Variants in SEMA4D observed in about 807,000 individuals in gnomAD.
The protein encoded by SEMA4D is semaphorin-4D.
Under a neutral mutation model 74.8 loss-of-function variants are expected in SEMA4D, and 22 were observed. That is an observed-to-expected ratio of 0.29 (90% confidence interval 0.21 to 0.42). The LOEUF is 0.42. SEMA4D is among the 10% of genes least tolerant of loss of function. The pLI is 1.00. For missense variants in SEMA4D, 937 were observed against 1,118.4 expected (o/e 0.84, Z 2.31); for synonymous variants, 445 against 463.7 (o/e 0.96, Z 0.52).
chr9:89,443,227 A>G (rs4317671), intron 2 of SEMA4D, among the ~76,000 whole-genome samples: 146,497 of 152,310 alleles, frequency 0.96, 70,669 homozygotes, highest in Non-Finnish European at 1. Context: ...CCCCCTGGAC[A>G]GAGGCCGGGT....
intron 2 of SEMA4D, among the ~76,000 whole-genome samples, chr9:89,426,584 G>A (rs1009186481): frequency 2.0e-5 from 3 of 152,232 alleles, no homozygotes; most frequent in East Asian, 1.9e-4. Context: ...AAGGATGTTC[G>A]CCATTTCATC....
At chr9:89,419,506 G>A (rs1443300991) in intron 2 of SEMA4D, among the ~76,000 whole-genome samples, 1 of 152,172 alleles carries the variant, frequency 6.6e-6, no homozygotes, top group Non-Finnish European at 1.5e-5. Context: ...GGGAGGGAGA[G>A]GGGACAGTGG....
intron 2 of SEMA4D, among the ~76,000 whole-genome samples, chr9:89,406,212 TACAC>T (rs1266662002): frequency 6.6e-6 from 1 of 152,020 alleles, no homozygotes; most frequent in Non-Finnish European, 1.5e-5. Flanking sequence ...CACACATATG[TACAC>T]ACACACATGC....
chr9:89,463,658 G>A (rs1462628368), intron 1 of SEMA4D, among the ~76,000 whole-genome samples: 3 of 152,318 alleles, frequency 2.0e-5, no homozygotes, highest in East Asian at 1.9e-4. Flanking sequence ...ATGGTGGGCC[G>A]GGCATGGTGG....
chr9:89,476,958 A>G (rs1437129370), intron 1 of SEMA4D, among the ~76,000 whole-genome samples: 1 of 152,182 alleles, frequency 6.6e-6, no homozygotes, highest in Non-Finnish European at 1.5e-5. Context: ...GACCCCAGAG[A>G]AACACACCAC....
At position 89,364,602 on chromosome 9, in the gene SEMA4D, C is replaced by A. The variant is rs181770247; in HGVS notation, c.1883-652G>T. On this transcript the variant is annotated intron_variant, in intron 16 of 18. Transcript: ENST00000339861. ...TCCAGCCTTGAGCATGGACTCTGGG[C>A]CCGACATTGGCCACTTCTGCCGCAA... 258 of 157,532 alleles carry A rather than the reference C, an allele frequency of 1.6e-3. 1 individual carries two copies. Among genetic ancestry groups the A allele is most frequent in the Non-Finnish European group, 3.0e-3 (213 of 70,728 alleles). The allele number at this position is 157,532 out of a possible 1,614,324, so 9.8% of individuals were successfully genotyped here.
At chr9:89,402,413 C>T (rs772750390) in intron 4 of SEMA4D, among the ~76,000 whole-genome samples, 5 of 152,218 alleles carry the variant, frequency 3.3e-5, no homozygotes, top group East Asian at 3.9e-4. Flanking sequence ...CCACAAGAGT[C>T]GGTGAAATAT....
At chr9:89,392,602 GACAA>G (rs1840099998) in intron 7 of SEMA4D, 66 bp from the exon 8 acceptor site, 2 of 966,818 alleles carry the variant, frequency 2.1e-6, no homozygotes. Flanking sequence ...CCAACACTGG[GACAA>G]ACATTCAACA....
intron 4 of SEMA4D, among the ~76,000 whole-genome samples, chr9:89,400,624 A>T (rs944756047): frequency 6.6e-6 from 1 of 152,236 alleles, no homozygotes; most frequent in Non-Finnish European, 1.5e-5. Context: ...CAAAAGCGGA[A>T]CAGAGTCTCA....
intron 1 of SEMA4D, among the ~76,000 whole-genome samples, chr9:89,480,780 T>A (rs892746173): frequency 4.9e-4 from 74 of 152,316 alleles, no homozygotes; most frequent in East Asian, 7.7e-4. Context: ...ACACAGCCCC[T>A]GTTCCCGCTC....
At chr9:89,379,712 C>T (rs528937379) in intron 15 of SEMA4D, 83 bp from the exon 16 acceptor site, 48 of 1,453,176 alleles carry the variant, frequency 3.3e-5, no homozygotes, top group East Asian at 9.1e-5. Context: ...CACAAGATGA[C>T]GCAAGAGTTT....
intron 3 of SEMA4D, among the ~76,000 whole-genome samples, chr9:89,404,171 A>AT (rs202042671): frequency 2.0e-5 from 3 of 152,110 alleles, no homozygotes; most frequent in Admixed American, 2.0e-4. Context: ...CTAAAAAAAA[A>AT]CTAAACAGCA....
intron 2 of SEMA4D, among the ~76,000 whole-genome samples, chr9:89,446,752 G>C (rs980137510): frequency 6.6e-6 from 1 of 152,166 alleles, no homozygotes; most frequent in African/African-American, 2.4e-5. Flanking sequence ...GGCATGAAAG[G>C]GGGGTTATGT....
At chr9:89,434,249 G>A (rs990675370) in intron 2 of SEMA4D, among the ~76,000 whole-genome samples, 5 of 152,132 alleles carry the variant, frequency 3.3e-5, no homozygotes, top group South Asian at 2.1e-4. Flanking sequence ...CATCCAGCAC[G>A]CGTGTAGGTA....
In SEMA4D at chr9:89,378,845, C is replaced by T. The variant is rs1217000642; in HGVS notation, c.2448G>A (p.Glu816=). 1 of 1,614,214 alleles carries T rather than the reference C, an allele frequency of 6.2e-7. No homozygotes were observed. The highest frequency in any genetic ancestry group is 8.5e-7 in the Non-Finnish European group (1 of 1,180,038). ...HPKPALDTGY[E]TEQDTITSKV... is the part of the protein sequence containing the mutation. ...TGCTGGTGATGGTGTCTTGCTCGGT[C>T]TCATAGCCGGTGTCCAGGGCTGGCT... Residue 816 remains glutamate (E), a synonymous_variant, in exon 16 of 16, where the codon GAG becomes GAA. Coordinates refer to ENST00000422704, the MANE Select transcript of SEMA4D (RefSeq NM_001371194.2).
rs1846192638 is a variant in SEMA4D at position 89,418,545 on chromosome 9, T to C, written c.-243-12846A>G. On this transcript the variant is annotated intron_variant, in intron 2 of 15. Coordinates refer to ENST00000422704, the MANE Select transcript of SEMA4D (RefSeq NM_001371194.2). ...GGAAAAAGCAGAAACACATATGGCA[T>C]AATTACAAGCACTAAAGAGCTGTTC... is the stretch of plus-strand genomic sequence containing the variant. The C allele has an allele frequency of 1.9e-5, 8 of 414,374 alleles. No individual in the cohort carries two copies. In the South Asian group the frequency reaches 7.0e-4, roughly 36 times the overall value. 25.7% of individuals were successfully genotyped at this position (414,374 alleles called of 1,614,324 possible). A position where few individuals can be genotyped will look rare whatever the true frequency, so the allele number is the denominator to read the frequency against.
In SEMA4D at chr9:89,391,359, C is replaced by T. The variant is rs1341046533; in HGVS notation, c.679G>A (p.Glu227Lys). 1.1e-5 allele frequency: 18 copies of T among 1,614,150 alleles called. No homozygotes were observed. Among genetic ancestry groups the T allele is most frequent in the South Asian group, 2.2e-5 (2 of 91,092 alleles). Residue 227 changes from glutamate to lysine, a missense_variant, in exon 9 of 16, where the codon GAG becomes AAG. Coordinates refer to ENST00000422704, the MANE Select transcript of SEMA4D (RefSeq NM_001371194.2). ...IRKSPDSPDG[E>K]DDRVYFFFTE... is the part of the protein sequence containing the mutation. ...AAGAAGAAGTAGACCCTGTCATCCT[C>T]GCCGTCGGGGCTGTCTGGGCTTTTT... is the stretch of plus-strand genomic sequence containing the variant.
intron 2 of SEMA4D, among the ~76,000 whole-genome samples, chr9:89,437,872 A>T (rs973971043): frequency 1.3e-5 from 2 of 152,226 alleles, no homozygotes; most frequent in Non-Finnish European, 2.9e-5. Context: ...TTGAACCCAG[A>T]TACCAAGTCT....
At chr9:89,393,941 C>T (rs1840375602) in intron 6 of SEMA4D, among the ~76,000 whole-genome samples, 1 of 152,252 alleles carries the variant, frequency 6.6e-6, no homozygotes, top group South Asian at 2.1e-4. Context: ...AATGGCAACG[C>T]TGATGGCTCT....
Sources: gnomAD v4.1 joint callset for allele counts (sites outside exome capture counted in the v4.1 genomes callset) on GRCh38, gnomAD v4.1.1 for gene constraint, MANE v1.5 for transcripts, NCBI Gene and HGNC (gene_info 2026-07-23, HGNC 2026-07-21) for gene names.